PPP1R42: variants seen among roughly 807,000 people sequenced by gnomAD.
PPP1R42 encodes the protein protein phosphatase 1 regulatory subunit 42, also known as leucine rich repeat containing 67.
A neutral mutation model predicts 31.0 loss-of-function variants in PPP1R42; 34 were observed. That is an observed-to-expected ratio of 1.10 (90% confidence interval 0.83 to 1.46). The LOEUF (loss-of-function observed/expected upper bound fraction) is 1.46, where lower values mean the gene tolerates loss of function less well. Ranked by LOEUF, PPP1R42 falls within the 40% of genes most tolerant of loss-of-function variation. PPP1R42 has a pLI of 0.00. For missense variants in PPP1R42, 268 were observed against 303.0 expected (o/e 0.88, Z 0.86); for synonymous variants, 103 against 109.8 (o/e 0.94, Z 0.39).
At chr8:67,018,817 C>G (rs1222253724) in intron 1 of PPP1R42, among the ~76,000 whole-genome samples, 2 of 39,128 alleles carry the variant, frequency 5.1e-5, no homozygotes, top group African/African-American at 1.6e-4. Context: ...GGCCCCCGCC[C>G]CCCCCCCCTT....
At chr8:67,011,190 T>C (rs1275809012) in intron 4 of PPP1R42, among the ~76,000 whole-genome samples, 1 of 152,252 alleles carries the variant, frequency 6.6e-6, no homozygotes, top group Non-Finnish European at 1.5e-5. Flanking sequence ...AAATGCTTAC[T>C]GTAGCTTTAG....
intron 5 of PPP1R42, among the ~76,000 whole-genome samples, chr8:67,004,941 G>A (rs141530651): frequency 6.6e-6 from 1 of 152,042 alleles, no homozygotes; most frequent in Non-Finnish European, 1.5e-5. Context: ...GTTTTCTCTT[G>A]AGCTAGTCAG....
rs188051417 is a variant in PPP1R42 at position 66,965,657 on chromosome 8, G to A, written c.803-1323C>T. Among the ~76,000 whole-genome samples, 323 of 152,088 alleles carry A rather than the reference G, an allele frequency of 2.1e-3. 1 individual carries two copies. Among genetic ancestry groups the A allele is most frequent in the African/African-American group, 4.7e-3 (195 of 41,488 alleles). On this transcript the variant is annotated intron_variant, in intron 7 of 7. Transcript: ENST00000685739. Reference sequence around the variant, plus strand: ...TCAAACTGGCTGGATACAGTGGTTCGCATCTGCAACCCCAGCACTTTGGGA... The same window carrying A: ...TCAAACTGGCTGGATACAGTGGTTCACATCTGCAACCCCAGCACTTTGGGA...
At chr8:66,981,691 G>A (rs1046957169) in intron 7 of PPP1R42, among the ~76,000 whole-genome samples, 5 of 152,182 alleles carry the variant, frequency 3.3e-5, no homozygotes, top group East Asian at 3.9e-4. Context: ...TTTTTGCACT[G>A]TTACTTAACA....
intron 5 of PPP1R42, among the ~76,000 whole-genome samples, chr8:67,007,534 A>G (rs1815722036): frequency 1.3e-5 from 2 of 152,088 alleles, no homozygotes; most frequent in African/African-American, 4.8e-5. Flanking sequence ...AAATTATTGT[A>G]TAAGGTTTCG....
intron 7 of PPP1R42, chr8:66,968,397 C>T: frequency 1.2e-6 from 1 of 840,126 alleles, no homozygotes; most frequent in Non-Finnish European, 1.4e-6. Context: ...GAGTGTGGGG[C>T]ACATACCTTT....
chr8:66,965,621 A>G (rs1367697496), intron 7 of PPP1R42, among the ~76,000 whole-genome samples: 2 of 151,886 alleles, frequency 1.3e-5, no homozygotes, highest in African/African-American at 4.8e-5. Flanking sequence ...GCTTAACGTT[A>G]TAAGAATATG....
At chr8:67,008,598 C>T (rs1585673721) in intron 5 of PPP1R42, among the ~76,000 whole-genome samples, 1 of 151,890 alleles carries the variant, frequency 6.6e-6, no homozygotes, top group Middle Eastern at 3.4e-3. Context: ...ATCCCAGCTA[C>T]TCGAGAGGCT....
At chr8:67,024,690 G>A (rs893966882) in intron 1 of PPP1R42, among the ~76,000 whole-genome samples, 4 of 151,664 alleles carry the variant, frequency 2.6e-5, no homozygotes, top group African/African-American at 7.3e-5. Flanking sequence ...TGTTAGCCAG[G>A]ATGGCCTCCA....
intron 5 of PPP1R42, among the ~76,000 whole-genome samples, chr8:67,008,719 A>G (rs1447270670): frequency 6.6e-6 from 1 of 151,946 alleles, no homozygotes; most frequent in East Asian, 1.9e-4. Flanking sequence ...AAAAAAAAAA[A>G]AAAAAAGAGG....
chr8:66,986,563 C>T (rs1463295860), intron 6 of PPP1R42, among the ~76,000 whole-genome samples: 1 of 152,220 alleles, frequency 6.6e-6, no homozygotes, highest in African/African-American at 2.4e-5. Flanking sequence ...CCATGTTTGC[C>T]ACTTTCCTGG....
chr8:66,991,298 CA>C (rs572026840), intron 5 of PPP1R42, among the ~76,000 whole-genome samples: 1 of 152,186 alleles, frequency 6.6e-6, no homozygotes. Context: ...AACTTAGCCT[CA>C]TCAGGCTACT....
At chr8:66,993,213 A>G (rs1314634313) in intron 5 of PPP1R42, among the ~76,000 whole-genome samples, 1 of 151,986 alleles carries the variant, frequency 6.6e-6, no homozygotes, top group Non-Finnish European at 1.5e-5. Flanking sequence ...TGTCCACTCC[A>G]TTTCCATCCC....
At chr8:66,964,674 T>A (rs1161821174) in intron 7 of PPP1R42, among the ~76,000 whole-genome samples, 3 of 152,170 alleles carry the variant, frequency 2.0e-5, no homozygotes, top group African/African-American at 7.2e-5. Context: ...ATCATACATA[T>A]CAATTTATTC....
At chr8:66,984,641 T>G in intron 6 of PPP1R42, 2 of 1,358,658 alleles carry the variant, frequency 1.5e-6, no homozygotes, top group Non-Finnish European at 2.1e-6. Flanking sequence ...TTTTAAATTT[T>G]CTTGACCTTT....
At chr8:67,025,975 A>C (rs2129537297) in intron 1 of PPP1R42, among the ~76,000 whole-genome samples, 1 of 150,178 alleles carries the variant, frequency 6.7e-6, no homozygotes, top group East Asian at 2.0e-4. Context: ...ACTACGCTCC[A>C]GCCTGGGCGA....
chr8:66,978,453 C>T (rs555520932), intron 7 of PPP1R42, among the ~76,000 whole-genome samples: 1 of 152,258 alleles, frequency 6.6e-6, no homozygotes, highest in East Asian at 1.9e-4. Flanking sequence ...ATTTTTGAGA[C>T]TAAGTCTCAC....
intron 7 of PPP1R42, among the ~76,000 whole-genome samples, chr8:66,964,963 C>A (rs1423631530): frequency 1.3e-5 from 2 of 152,324 alleles, no homozygotes; most frequent in Admixed American, 6.5e-5. Flanking sequence ...CAGTTTCTGG[C>A]AACTACTGAT....
chr8:66,976,615 T>G (rs1030252734), intron 7 of PPP1R42, among the ~76,000 whole-genome samples: 3 of 152,078 alleles, frequency 2.0e-5, no homozygotes, highest in African/African-American at 7.2e-5. Context: ...TTTTTGGTTT[T>G]TTTTTTTTTT....
Sources: allele counts gnomAD v4.1 joint callset (sites outside exome capture counted in the v4.1 genomes callset), GRCh38; gene constraint gnomAD v4.1.1; transcripts MANE v1.5; gene names NCBI Gene and HGNC (gene_info 2026-07-23, HGNC 2026-07-21).